The following CFAP251 variants were observed in gnomAD, a reference collection of about 807,000 sequenced individuals.
CFAP251 encodes the protein cilia- and flagella-associated protein 251.
In CFAP251, 93 loss-of-function variants were observed where a neutral mutation model predicts 126.7. That is an observed-to-expected ratio of 0.73 (90% CI 0.62 to 0.87). The LOEUF is 0.87. Among genes scored for constraint, CFAP251 ranks in the 40% least tolerant of loss-of-function variants. The pLI, the probability that CFAP251 is intolerant of heterozygous loss-of-function variation, is 0.00. For missense variants in CFAP251, 1,287 were observed against 1,389.2 expected, an observed-to-expected ratio of 0.93 and a Z score of 1.17; for synonymous variants, 503 against 506.9, an observed-to-expected ratio of 0.99 and a Z score of 0.10.
At chr12:121,996,854 A>T (rs890571149) in intron 19 of CFAP251, 1 of 152,096 alleles carries the variant, frequency 6.6e-6, no homozygotes, top group South Asian at 2.1e-4. Context: ...AGCTGTGCAC[A>T]CTCTAAAGTG....
At chr12:121,940,366 G>A (rs1881060557) in intron 5 of CFAP251, among the ~76,000 whole-genome samples, 1 of 152,100 alleles carries the variant, frequency 6.6e-6, no homozygotes, top group African/African-American at 2.4e-5. Flanking sequence ...GCCTTCCCAG[G>A]TGAATTTCTG....
chr12:121,970,938 G>T (rs1167970879), intron 17 of CFAP251, among the ~76,000 whole-genome samples: 1 of 152,232 alleles, frequency 6.6e-6, no homozygotes, highest in African/African-American at 2.4e-5. Flanking sequence ...AGAAATGCCA[G>T]TACAGCCCCC....
chr12:121,945,585 C>T (rs563046312), intron 7 of CFAP251, among the ~76,000 whole-genome samples: 13 of 150,310 alleles, frequency 8.6e-5, no homozygotes, highest in African/African-American at 2.9e-4. Flanking sequence ...CCTCATGATC[C>T]GCCCGCCTTG....
At chr12:121,926,927 G>A (rs2135747085) in intron 3 of CFAP251, among the ~76,000 whole-genome samples, 1 of 152,274 alleles carries the variant, frequency 6.6e-6, no homozygotes, top group Admixed American at 6.5e-5. Context: ...CTGGGTAATA[G>A]AGTGAGACTC....
chr12:121,931,916 G>T, intron 4 of CFAP251, 30 bp downstream of exon 4: 1 of 1,484,470 alleles, frequency 6.7e-7, no homozygotes, highest in South Asian at 1.4e-5. Context: ...CTACAGGTGG[G>T]GGAGTTGTCT....
At chr12:121,977,968 AAAAT>A (rs879718417) in intron 19 of CFAP251, among the ~76,000 whole-genome samples, 224 of 151,740 alleles carry the variant, frequency 1.5e-3, no homozygotes, top group Non-Finnish European at 2.3e-3. Context: ...CAGAAAAATA[AAAAT>A]AAATAAATAA....
intron 9 of CFAP251, 52 bp from the exon 10 acceptor site, chr12:121,954,068 C>A: frequency 6.8e-7 from 1 of 1,460,918 alleles, no homozygotes; most frequent in East Asian, 2.3e-5. Flanking sequence ...TTGATAAATG[C>A]TTTGTTTTAT....
intron 9 of CFAP251, among the ~76,000 whole-genome samples, chr12:121,951,879 C>T (rs964938443): frequency 2.6e-5 from 4 of 151,738 alleles, no homozygotes; most frequent in South Asian, 2.1e-4. Flanking sequence ...CCACCACGCC[C>T]GGCTAATTTT....
chr12:121,988,327 C>T (rs1486589867), intron 19 of CFAP251, among the ~76,000 whole-genome samples: 2 of 152,126 alleles, frequency 1.3e-5, no homozygotes, highest in African/African-American at 4.8e-5. Flanking sequence ...GACATCACCA[C>T]CACGTAATCC....
intron 4 of CFAP251, chr12:121,933,181 T>G (rs781773804): frequency 6.6e-6 from 1 of 152,186 alleles, no homozygotes; most frequent in South Asian, 2.1e-4. Context: ...AAAGGAGATG[T>G]GAAAACGCTC....
intron 3 of CFAP251, among the ~76,000 whole-genome samples, chr12:121,928,672 A>ATATATATATATACG (rs1880541328): frequency 4.1e-4 from 8 of 19,312 alleles, no homozygotes; most frequent in African/African-American, 2.7e-3. Context: ...ATATATACGT[A>ATATATATATATACG]TATATATATA....
intron 19 of CFAP251, among the ~76,000 whole-genome samples, chr12:121,990,876 G>A (rs1882861436): frequency 6.6e-6 from 1 of 152,192 alleles, no homozygotes; most frequent in Non-Finnish European, 1.5e-5. Flanking sequence ...CTTTCCTTGT[G>A]TATATCGTCT....
intron 15 of CFAP251, among the ~76,000 whole-genome samples, chr12:121,963,039 T>C (rs551648036): frequency 8.6e-5 from 13 of 151,970 alleles, no homozygotes; most frequent in African/African-American, 3.1e-4. Context: ...CGAGAGCTAG[T>C]GGAGGGTTTT....
chr12:121,954,650 A>AAAAAC (rs1881656619), intron 10 of CFAP251, among the ~76,000 whole-genome samples: 3 of 148,282 alleles, frequency 2.0e-5, no homozygotes, highest in Admixed American at 6.7e-5. Context: ...AAAAAAAAAA[A>AAAAAC]AAAAAAAAAA....
intron 3 of CFAP251, among the ~76,000 whole-genome samples, chr12:121,928,723 G>A (rs1159295062): frequency 1.4e-5 from 2 of 140,838 alleles, no homozygotes; most frequent in Non-Finnish European, 1.5e-5. Flanking sequence ...TTGAGACAGG[G>A]TCTTGCTCTG....
intron 21 of CFAP251, 104 bp from the exon 22 acceptor site, chr12:122,003,547 TG>T: frequency 1.2e-6 from 1 of 811,374 alleles, no homozygotes; most frequent in Non-Finnish European, 2.0e-6. Flanking sequence ...CACTCCAGCC[TG>T]GGCAACAGAG....
chr12:121,942,408 C>T (rs1881156919), intron 5 of CFAP251, 126 bp from the exon 6 acceptor site: 2 of 604,906 alleles, frequency 3.3e-6, no homozygotes, highest in Non-Finnish European at 5.9e-6. Context: ...AAAGATTCCA[C>T]TGTATGGATA....
intron 3 of CFAP251, among the ~76,000 whole-genome samples, chr12:121,930,748 CTTTTT>C (rs72062810): frequency 5.5e-5 from 6 of 109,866 alleles, no homozygotes; most frequent in Non-Finnish European, 6.0e-5. Flanking sequence ...AATTGCCTTT[CTTTTT>C]TTTTTTTTTT....
In CFAP251 at chr12:121,989,518, G is replaced by T. The variant is rs964150929; in HGVS notation, c.3007-10198G>T. Reference sequence around the variant, plus strand: ...AATCGCAGAGGGGGCGCTCACAGGGGTCTCCAGATGTGGCCATGCAGTGAC... The same window carrying T: ...AATCGCAGAGGGGGCGCTCACAGGGTTCTCCAGATGTGGCCATGCAGTGAC... On this transcript the variant is annotated intron_variant, in intron 19 of 21. Coordinates refer to ENST00000288912, the MANE Select transcript of CFAP251 (RefSeq NM_144668.6). This position sits in a 1 kb window ranked among gnomAD's most constrained non-coding sequence, Gnocchi z 4.2. Among the ~76,000 whole-genome samples, 4 of 152,192 alleles carry T rather than the reference G, an allele frequency of 2.6e-5. No homozygotes were observed. Among genetic ancestry groups the T allele is most frequent in the Admixed American group, 2.6e-4 (4 of 15,282 alleles).
Sources: gnomAD v4.1 joint callset for allele counts (sites outside exome capture counted in the v4.1 genomes callset) on GRCh38, gnomAD v4.1.1 for gene constraint, Gnocchi (gnomAD v3.1) non-coding constraint, MANE v1.5 for transcripts, NCBI Gene and HGNC (gene_info 2026-07-23, HGNC 2026-07-21) for gene names.